The following KCNQ3 variants were observed in gnomAD, a reference collection of about 807,000 sequenced individuals.
The protein encoded by KCNQ3 is potassium voltage-gated channel subfamily Q member 3.
A neutral mutation model predicts 92.5 loss-of-function variants in KCNQ3; 30 were observed. The ratio of observed to expected loss-of-function variants is 0.32; its 90% CI spans 0.24 to 0.44. KCNQ3 has a LOEUF of 0.44. Among genes scored for constraint, KCNQ3 ranks in the 20% least tolerant of loss-of-function variants. KCNQ3 has a pLI of 1.00. For synonymous variants in KCNQ3, 450 were observed against 468.8 expected, an observed-to-expected ratio of 0.96 and a Z score of 0.52; for missense variants, 913 against 1,140.3, an observed-to-expected ratio of 0.80 and a Z score of 2.87.
At chr8:132,457,783 G>T (rs541794195) in intron 1 of KCNQ3, among the ~76,000 whole-genome samples, 1 of 152,284 alleles carries the variant, frequency 6.6e-6, no homozygotes, top group African/African-American at 2.4e-5. Context: ...CAACCATTCT[G>T]CTATCCTATG....
chr8:132,174,231 G>T lies in KCNQ3; in HGVS notation c.1044+8C>A. 1 of 1,545,344 alleles carries T rather than the reference G, an allele frequency of 6.5e-7. No individual in the cohort carries two copies. Among genetic ancestry groups the T allele is most frequent in the Non-Finnish European group, 8.8e-7 (1 of 1,142,116 alleles). ...ACATTGGGGATGTCATATATCAAAG[G>T]TACTTACCGCTGGAAGGGCAAAAAA... On this transcript the variant is annotated splice_region_variant and intron_variant, in intron 6 of 14. Coordinates refer to ENST00000388996, the MANE Select transcript of KCNQ3 (RefSeq NM_004519.4).
rs914348742 is a variant in KCNQ3 at position 132,125,973 on chromosome 8, C to A, written c.*3289G>T. The A allele has an allele frequency of 1.3e-5, 2 of 152,168 alleles. No homozygotes were observed. Among genetic ancestry groups the A allele is most frequent in the African/African-American group, 4.8e-5 (2 of 41,440 alleles). The allele number at this position is 152,168 out of a possible 1,614,324, so 9.4% of individuals were successfully genotyped here. ...AAAACTCAAACGATCTCAAGTACTT[C>A]TTTCTCAGCTCAATAGGATCATGTT... is the stretch of plus-strand genomic sequence containing the variant. On this transcript the variant is annotated 3_prime_UTR_variant, in exon 15 of 15. Coordinates refer to ENST00000388996, the MANE Select transcript of KCNQ3 (RefSeq NM_004519.4).
chr8:132,267,580 T>C (rs1816027799), intron 1 of KCNQ3, among the ~76,000 whole-genome samples: 1 of 152,188 alleles, frequency 6.6e-6, no homozygotes, highest in African/African-American at 2.4e-5. Flanking sequence ...TCTTAAATTC[T>C]CTCCAAAATC....
rs537389818 is a variant in KCNQ3, at chr8:132,249,749, C to T, written c.387-63568G>A. Among the ~76,000 whole-genome samples the T allele has an allele frequency of 2.2e-4, 34 of 152,238 alleles. No homozygotes were observed. The South Asian group carries it at 5.8e-3, about 26-fold the overall frequency. On this transcript the variant is annotated intron_variant, in intron 1 of 14. Transcript: ENST00000388996. Reference sequence around the variant, plus strand: ...GAGGCTTGGGCTGTGCAGGAGCCCACGGCTAGGGGGAGGCTCGGGCATGAC... The same window carrying T: ...GAGGCTTGGGCTGTGCAGGAGCCCATGGCTAGGGGGAGGCTCGGGCATGAC...
intron 1 of KCNQ3, among the ~76,000 whole-genome samples, chr8:132,190,518 A>G (rs528890955): frequency 6.6e-6 from 1 of 152,328 alleles, no homozygotes; most frequent in East Asian, 1.9e-4. Flanking sequence ...GTGGCAAGGA[A>G]CTGTGGGATT....
chr8:132,358,950 TACA>T (rs1471983018), intron 1 of KCNQ3, among the ~76,000 whole-genome samples: 1 of 152,174 alleles, frequency 6.6e-6, no homozygotes, highest in Non-Finnish European at 1.5e-5. Context: ...GATGAGGGAA[TACA>T]ACAAGTCTTG....
At chr8:132,142,939 ATC>A (rs1236773093) in intron 9 of KCNQ3, among the ~76,000 whole-genome samples, 2 of 152,168 alleles carry the variant, frequency 1.3e-5, no homozygotes. Flanking sequence ...GCCTAACAAC[ATC>A]TGCTTCATAG....
At chr8:132,267,281 C>T (rs1179856664) in intron 1 of KCNQ3, among the ~76,000 whole-genome samples, 1 of 152,300 alleles carries the variant, frequency 6.6e-6, no homozygotes, top group African/African-American at 2.4e-5. Flanking sequence ...CACTCAAATT[C>T]AGGCATAATC....
chr8:132,411,172 G>A (rs534966567), intron 1 of KCNQ3, among the ~76,000 whole-genome samples: 1 of 152,232 alleles, frequency 6.6e-6, no homozygotes, highest in East Asian at 1.9e-4. Flanking sequence ...AGGTGAGAAT[G>A]AGAGTGTTAT....
At chr8:132,153,734 G>GCCC (rs35446698) in intron 9 of KCNQ3, among the ~76,000 whole-genome samples, 15 of 150,610 alleles carry the variant, frequency 1.0e-4, no homozygotes, top group African/African-American at 3.7e-4. Context: ...TACCCCGCAA[G>GCCC]CCCCCCCCCC....
chr8:132,412,439 A>G (rs1311930644), intron 1 of KCNQ3, among the ~76,000 whole-genome samples: 2 of 152,086 alleles, frequency 1.3e-5, no homozygotes, highest in Non-Finnish European at 2.9e-5. Flanking sequence ...GTACTGTTCT[A>G]CCCCAAAGGA....
intron 1 of KCNQ3, among the ~76,000 whole-genome samples, chr8:132,327,305 C>A (rs1052235522): frequency 6.6e-6 from 1 of 152,168 alleles, no homozygotes; most frequent in Non-Finnish European, 1.5e-5. Flanking sequence ...CACTCTAAAA[C>A]CTTTTTTGCC....
chr8:132,253,288 T>C (rs1255639753), intron 1 of KCNQ3, among the ~76,000 whole-genome samples: 2 of 152,154 alleles, frequency 1.3e-5, no homozygotes, highest in South Asian at 2.1e-4. Flanking sequence ...GCTCTACATC[T>C]AGCTATCAAC....
chr8:132,306,368 C>G (rs1446730363), intron 1 of KCNQ3, among the ~76,000 whole-genome samples: 1 of 152,208 alleles, frequency 6.6e-6, no homozygotes, highest in Non-Finnish European at 1.5e-5. Flanking sequence ...CTAAGAAAAA[C>G]TTGGCCAAAA....
intron 1 of KCNQ3, among the ~76,000 whole-genome samples, chr8:132,430,612 C>T (rs563857630): frequency 1.3e-5 from 2 of 152,222 alleles, no homozygotes; most frequent in East Asian, 3.9e-4. Context: ...CATTTTTAAA[C>T]CACTCCTTTC....
intron 1 of KCNQ3, among the ~76,000 whole-genome samples, chr8:132,468,714 G>A (rs1214886625): frequency 6.6e-6 from 1 of 152,230 alleles, no homozygotes; most frequent in East Asian, 1.9e-4. Flanking sequence ...GCAGAGTGCA[G>A]ATAATTTTAC....
chr8:132,407,504 CG>C (rs1357849714), intron 1 of KCNQ3, among the ~76,000 whole-genome samples: 2 of 152,160 alleles, frequency 1.3e-5, no homozygotes, highest in African/African-American at 4.8e-5. Context: ...GTACTTCAGA[CG>C]GGCTTCACTT....
At chr8:132,351,293 C>G (rs866550982) in intron 1 of KCNQ3, among the ~76,000 whole-genome samples, 1 of 152,156 alleles carries the variant, frequency 6.6e-6, no homozygotes, top group Admixed American at 6.5e-5. Context: ...AGATCCAGGG[C>G]TGAACTGGTT....
intron 1 of KCNQ3, among the ~76,000 whole-genome samples, chr8:132,199,697 G>A (rs894199506): frequency 2.6e-5 from 4 of 152,172 alleles, no homozygotes; most frequent in African/African-American, 9.7e-5. Flanking sequence ...ATGACCTGAG[G>A]TCAGGAGTTC....
Sources: gnomAD v4.1 joint callset for allele counts (sites outside exome capture counted in the v4.1 genomes callset) on GRCh38, gnomAD v4.1.1 for gene constraint, MANE v1.5 for transcripts, NCBI Gene and HGNC (gene_info 2026-07-23, HGNC 2026-07-21) for gene names.